The following RYR3 variants were observed in gnomAD, a reference collection of about 807,000 sequenced individuals.
RYR3 encodes brain ryanodine receptor-calcium release channel.
RYR3 carries 207 observed loss-of-function variants against 584.3 expected under a neutral mutation model. The observed-to-expected ratio is 0.35, with a 90% CI of 0.32 to 0.40. The LOEUF (loss-of-function observed/expected upper bound fraction) is 0.40. RYR3 is among the 10% of genes least tolerant of loss of function. The pLI, the probability that RYR3 is intolerant of heterozygous loss-of-function variation, is 1.00. For missense variants in RYR3, 5,616 were observed against 6,089.2 expected, an observed-to-expected ratio of 0.92 and a Z score of 2.59; for synonymous variants, 2,416 against 2,248.5, an observed-to-expected ratio of 1.07 and a Z score of -2.11.
At chr15:33,655,772 G>C (rs2152694239) in intron 32 of RYR3, among the ~76,000 whole-genome samples, 1 of 152,336 alleles carries the variant, frequency 6.6e-6, no homozygotes, top group African/African-American at 2.4e-5. Context: ...TTCCAGGCGA[G>C]ACAGTAACGT....
intron 93 of RYR3, among the ~76,000 whole-genome samples, chr15:33,848,088 A>G (rs2078839182): frequency 6.6e-6 from 1 of 152,236 alleles, no homozygotes; most frequent in African/African-American, 2.4e-5. Context: ...GGGTGACCCA[A>G]ATCAGATCAG....
intron 3 of RYR3, among the ~76,000 whole-genome samples, chr15:33,508,844 A>ACC (rs1429829047): frequency 6.6e-6 from 1 of 152,186 alleles, no homozygotes; most frequent in Non-Finnish European, 1.5e-5. Context: ...TACAGTAGGG[A>ACC]ATACCACACA....
At chr15:33,797,755 G>T (rs1011636755) in intron 67 of RYR3, among the ~76,000 whole-genome samples, 15 of 151,986 alleles carry the variant, frequency 9.9e-5, no homozygotes, top group Admixed American at 5.9e-4. Context: ...TCCTTGGCTA[G>T]ATAGGATATG....
At chr15:33,517,503 G>A (rs1035953157) in intron 3 of RYR3, among the ~76,000 whole-genome samples, 2 of 152,006 alleles carry the variant, frequency 1.3e-5, no homozygotes, top group East Asian at 1.9e-4. Flanking sequence ...TCTTAAATTC[G>A]CATCTCTTTA....
rs1296762347 is a variant in RYR3, at chr15:33,788,256, C to G, written c.9628C>G (p.Leu3210Val). 1 of 1,613,862 alleles carries G rather than the reference C, an allele frequency of 6.2e-7. No individual in the cohort carries two copies. Among genetic ancestry groups the G allele is most frequent in the Non-Finnish European group, 8.5e-7 (1 of 1,179,880 alleles). The change falls in exon 67 of 104, where the codon CTG becomes GTG. Residue 3210 changes from leucine to valine, a missense_variant. Physicochemically the swap from Leu to Val is conservative, Grantham distance 32. Coordinates refer to ENST00000634891, the MANE Select transcript of RYR3 (RefSeq NM_001036.6). ...CATCATCAGCAAAGCCAGGCCCGAC[C>G]TGCTGAGAAGCCACTTCATCCCAAC... ...QPIISKARPD[L>V]LRSHFIPTLE...
At chr15:33,578,480 G>A (rs1172207156) in intron 12 of RYR3, among the ~76,000 whole-genome samples, 2 of 152,036 alleles carry the variant, frequency 1.3e-5, no homozygotes, top group African/African-American at 2.4e-5. Flanking sequence ...AGCTGGAAGC[G>A]ATTATCCTCA....
In RYR3 at chr15:33,789,658, A is replaced by ATTTT. The variant is rs869151934; in HGVS notation, c.9830+1231_9830+1234dup. ...TATATATATATATATATATATATAT[A>ATTTT]TTTTTTTTTTTTTTTTTTTTTTTTT... On this transcript the variant is annotated intron_variant, in intron 67 of 103. Transcript: ENST00000634891. Among the ~76,000 whole-genome samples, 11 of 12,782 alleles carry ATTTT rather than the reference A, an allele frequency of 8.6e-4. 2 individuals carry two copies. The highest frequency in any genetic ancestry group is 0.083 in the Middle Eastern group (1 of 12). 8.4% of individuals were successfully genotyped at this position (12,782 alleles called of 152,430 possible).
intron 64 of RYR3, among the ~76,000 whole-genome samples, chr15:33,774,462 G>A (rs566683172): frequency 6.6e-6 from 1 of 152,200 alleles, no homozygotes; most frequent in South Asian, 2.1e-4. Context: ...CAAACAAATT[G>A]GTAGTGAACC....
chr15:33,438,073 A>T (rs2045890533), intron 1 of RYR3, among the ~76,000 whole-genome samples: 1 of 152,198 alleles, frequency 6.6e-6, no homozygotes, highest in Non-Finnish European at 1.5e-5. Flanking sequence ...ACCTCTAACC[A>T]GAATTTGTCT....
chr15:33,649,019 T>C, intron 30 of RYR3, 53 bp from the exon 31 acceptor site: 1 of 1,547,992 alleles, frequency 6.5e-7, no homozygotes, highest in South Asian at 1.2e-5. Context: ...CCCCCTATCT[T>C]CAACTGGATG....
At chr15:33,375,794 G>A (rs540252251) in intron 1 of RYR3, among the ~76,000 whole-genome samples, 1 of 152,350 alleles carries the variant, frequency 6.6e-6, no homozygotes, top group African/African-American at 2.4e-5. Flanking sequence ...GCCAGGCGCA[G>A]TGGCTCATGC....
Position 33,785,728 on chromosome 15 carries a change from A to C in RYR3, c.9335A>C (p.Lys3112Thr). The C allele has an allele frequency of 6.2e-7, 1 of 1,613,860 alleles. No homozygotes were observed. Among genetic ancestry groups the C allele is most frequent in the Non-Finnish European group, 8.5e-7 (1 of 1,179,790 alleles). The change falls in exon 66 of 104, where the codon AAG becomes ACG. Residue 3112 changes from lysine to threonine, a missense_variant. By Grantham distance (78) the Lys-to-Thr change is moderately conservative. Around this residue, in one of 9 missense-constraint regions of RYR3, gnomAD observed 954 missense variants for 1,132.2 expected, o/e 0.84. Coordinates refer to ENST00000634891, the MANE Select transcript of RYR3 (RefSeq NM_001036.6). ...PDIPQLEGLM[K>T]EINDLAESGA... ...ATCCCCCAGCTGGAAGGCCTGATGA[A>C]GGAAATCAACGACCTGGCCGAGTCA...
intron 46 of RYR3, among the ~76,000 whole-genome samples, chr15:33,727,069 C>T (rs1264105865): frequency 6.6e-6 from 1 of 152,248 alleles, no homozygotes; most frequent in Non-Finnish European, 1.5e-5. Context: ...AAAGCTCTCA[C>T]CACGGCCTCC....
intron 97 of RYR3, 124 bp downstream of exon 97, chr15:33,854,573 C>A: frequency 1.9e-6 from 2 of 1,046,294 alleles, no homozygotes; most frequent in Non-Finnish European, 2.8e-6. Context: ...GAGCCTTATA[C>A]GTGCTGGGGG....
rs550736439 is a variant in RYR3, at chr15:33,675,930, T to C, written c.5860+5374T>C. ...TAGGATTTCATCGCAGTGCTCTGGG[T>C]GAGAGGTTCTGAGGACTTGAATAAG... On this transcript the variant is annotated intron_variant, in intron 38 of 103. Coordinates refer to ENST00000634891, the MANE Select transcript of RYR3 (RefSeq NM_001036.6). Among the ~76,000 whole-genome samples, 54 of 152,132 alleles carry C rather than the reference T, an allele frequency of 3.5e-4. 1 individual carries two copies. The highest frequency in any genetic ancestry group is 1.2e-3 in the African/African-American group (50 of 41,478).
At chr15:33,685,271 G>A (rs2064908972) in intron 38 of RYR3, among the ~76,000 whole-genome samples, 1 of 152,230 alleles carries the variant, frequency 6.6e-6, no homozygotes, top group Admixed American at 6.5e-5. Flanking sequence ...CAAATGGAAA[G>A]CAATAAAAAG....
chr15:33,434,004 C>T (rs556280303), intron 1 of RYR3, among the ~76,000 whole-genome samples: 1 of 152,340 alleles, frequency 6.6e-6, no homozygotes, highest in African/African-American at 2.4e-5. Context: ...GAACTTCACA[C>T]AGCATTCCAA....
chr15:33,776,637 C>T (rs931546013), intron 64 of RYR3, among the ~76,000 whole-genome samples: 1 of 152,220 alleles, frequency 6.6e-6, no homozygotes, highest in Non-Finnish European at 1.5e-5. Flanking sequence ...CCGTGTCCTG[C>T]CCTGTCCCCA....
At chr15:33,411,542 G>A (rs1211084071) in intron 1 of RYR3, among the ~76,000 whole-genome samples, 6 of 152,168 alleles carry the variant, frequency 3.9e-5, no homozygotes, top group Non-Finnish European at 8.8e-5. Flanking sequence ...CCTGTTCCTT[G>A]GGCATGTGCT....
Sources: allele counts gnomAD v4.1 joint callset (sites outside exome capture counted in the v4.1 genomes callset), GRCh38; gene constraint gnomAD v4.1.1; regional missense constraint gnomAD v4.1.1; transcripts MANE v1.5; gene names NCBI Gene and HGNC (gene_info 2026-07-23, HGNC 2026-07-21).